ZNF462: variants seen among roughly 807,000 people sequenced by gnomAD.
ZNF462 encodes the protein zinc finger protein 462.
A neutral mutation model predicts 201.9 loss-of-function variants in ZNF462; 10 were observed. The ratio of observed to expected loss-of-function variants is 0.05; its 90% CI spans 0.03 to 0.08. ZNF462 has a LOEUF of 0.08. Among genes scored for constraint, ZNF462 ranks in the 10% least tolerant of loss-of-function variants. ZNF462 has a pLI of 1.00. For synonymous variants in ZNF462, 1,227 were observed against 1,193.3 expected, an observed-to-expected ratio of 1.03 and a Z score of -0.58; for missense variants, 2,523 against 3,168.3, an observed-to-expected ratio of 0.80 and a Z score of 4.89.
chr9:106,880,118 C>G lies in ZNF462; in HGVS notation c.-31+16763C>G, dbSNP rs1325124579. Among the ~76,000 whole-genome samples the G allele has an allele frequency of 1.3e-5, 2 of 152,108 alleles. No homozygotes were observed. The highest frequency in any genetic ancestry group is 1.3e-4 in the Admixed American group (2 of 15,264). On this transcript the variant is annotated intron_variant, in intron 1 of 12. Coordinates refer to ENST00000277225, the MANE Select transcript of ZNF462 (RefSeq NM_021224.6). The surrounding 1 kb of genome is among the most constrained non-coding windows in gnomAD (Gnocchi z 4.1). ...TAGGAATGGGACAAACAGAGTTGCT[C>G]GTAACCACCAAGAGCCCTCTCAATT...
chr9:106,936,335 G>T (rs1830630557), intron 6 of ZNF462, among the ~76,000 whole-genome samples: 1 of 152,196 alleles, frequency 6.6e-6, no homozygotes, highest in Non-Finnish European at 1.5e-5. Context: ...GGGAGGCATT[G>T]TGTCACATTC....
intron 10 of ZNF462, among the ~76,000 whole-genome samples, chr9:106,987,514 G>T (rs1446328017): frequency 6.6e-6 from 1 of 151,838 alleles, no homozygotes; most frequent in Non-Finnish European, 1.5e-5. Context: ...TCATGAGATT[G>T]TTTTTTTCTT....
intron 1 of ZNF462, among the ~76,000 whole-genome samples, chr9:106,912,246 C>CTCCAT (rs1829582283): frequency 2.0e-5 from 3 of 151,906 alleles, no homozygotes; most frequent in African/African-American, 7.3e-5. Context: ...AACATTGTTC[C>CTCCAT]GACTCCATGA....
intron 1 of ZNF462, among the ~76,000 whole-genome samples, chr9:106,887,357 A>G (rs1828365419): frequency 6.6e-6 from 1 of 152,148 alleles, no homozygotes. Context: ...CCATCTACTA[A>G]ATCCTCTCCC....
intron 10 of ZNF462, among the ~76,000 whole-genome samples, chr9:107,000,576 C>A (rs759688201): frequency 2.6e-5 from 4 of 152,076 alleles, no homozygotes; most frequent in African/African-American, 9.7e-5. Context: ...ATTTTAAAAT[C>A]TTCTAATTAC....
intron 10 of ZNF462, among the ~76,000 whole-genome samples, chr9:106,997,593 T>C (rs1027270240): frequency 5.9e-5 from 9 of 152,192 alleles, no homozygotes; most frequent in African/African-American, 2.2e-4. Context: ...GGTGCTCTTA[T>C]CTGAGAATTC....
At chr9:106,940,038 C>T (rs562902614) in intron 7 of ZNF462, among the ~76,000 whole-genome samples, 5 of 152,258 alleles carry the variant, frequency 3.3e-5, no homozygotes, top group African/African-American at 1.2e-4. Flanking sequence ...TCTACTGTTA[C>T]ATTCTTGGGA....
intron 5 of ZNF462, among the ~76,000 whole-genome samples, chr9:106,934,421 T>C (rs1259277816): frequency 6.6e-6 from 1 of 152,108 alleles, no homozygotes; most frequent in Non-Finnish European, 1.5e-5. Context: ...AAAAATTGAC[T>C]TCATGCGTGG....
rs1828523935 is a variant in ZNF462 at position 106,890,404 on chromosome 9, A to G, written c.-31+27049A>G. Among the ~76,000 whole-genome samples, 1 of 152,130 alleles carries G rather than the reference A, an allele frequency of 6.6e-6. No individual in the cohort carries two copies. Among genetic ancestry groups the G allele is most frequent in the Admixed American group, 6.5e-5 (1 of 15,280 alleles). On this transcript the variant is annotated intron_variant, in intron 1 of 12. Coordinates refer to ENST00000277225, the MANE Select transcript of ZNF462 (RefSeq NM_021224.6). The surrounding 1 kb of genome is among the most constrained non-coding windows in gnomAD (Gnocchi z 4.2). ...TAAACATTGTCGGGAGAATTCCTTC[A>G]TTTCCTTCTGGAGTCCTTTTTGGGC... is the stretch of plus-strand genomic sequence containing the variant.
At position 107,003,552 on chromosome 9, in the gene ZNF462, C is replaced by T. The variant is rs936591859; in HGVS notation, c.7189+126C>T. 2.6e-5 allele frequency: 32 copies of T among 1,243,662 alleles called. No individual in the cohort carries two copies. The African/African-American group carries it at 4.4e-4, about 17-fold the overall frequency. 77.0% of individuals were successfully genotyped at this position (1,243,662 alleles called of 1,614,324 possible). On this transcript the variant is annotated intron_variant, in intron 11 of 12. Transcript: ENST00000277225. This position sits in a 1 kb window ranked among gnomAD's most constrained non-coding sequence, Gnocchi z 4.4. The stretch of plus-strand genomic sequence containing the variant: ...GATCCTTCTTAGTTAAGTAGCAGAA[C>T]AGACTGACTTAGAAAACACATCAAG...
In ZNF462 at chr9:106,970,925, C is replaced by T. The variant is rs1007082270; in HGVS notation, c.6428-1080C>T. Among the ~76,000 whole-genome samples, 1 of 151,800 alleles carries T rather than the reference C, an allele frequency of 6.6e-6. No individual in the cohort carries two copies. On this transcript the variant is annotated intron_variant, in intron 7 of 12. Transcript: ENST00000277225. The surrounding 1 kb of genome is among the most constrained non-coding windows in gnomAD (Gnocchi z 4.2). ...TCCACCGCATGCCATTGAAGCTTCT[C>T]GGGGTTAAGATTTGTGCCTGTCATT... is the stretch of plus-strand genomic sequence containing the variant.
chr9:106,867,679 C>T (rs73667302), intron 1 of ZNF462, among the ~76,000 whole-genome samples: 8,206 of 151,990 alleles, frequency 0.054, 406 homozygotes, highest in African/African-American at 0.13. Context: ...TACTTGTGGT[C>T]GGTTTTCCTG....
At chr9:107,001,949 A>G (rs1171152778) in intron 10 of ZNF462, among the ~76,000 whole-genome samples, 4 of 152,012 alleles carry the variant, frequency 2.6e-5, no homozygotes, top group East Asian at 1.9e-4. Flanking sequence ...CCTGAATGCT[A>G]CCTATCTCTT....
At chr9:106,897,719 G>A (rs1185969850) in intron 1 of ZNF462, among the ~76,000 whole-genome samples, 1 of 152,212 alleles carries the variant, frequency 6.6e-6, no homozygotes, top group East Asian at 1.9e-4. Flanking sequence ...GAAGACAAAG[G>A]TAGAAGTATC....
chr9:106,958,652 C>A (rs1229634154), intron 7 of ZNF462, among the ~76,000 whole-genome samples: 2 of 152,078 alleles, frequency 1.3e-5, no homozygotes, highest in African/African-American at 4.8e-5. Context: ...CCTAAGGAAG[C>A]TGAGATGCCC....
intron 7 of ZNF462, among the ~76,000 whole-genome samples, chr9:106,945,869 G>A (rs986507469): frequency 4.6e-5 from 7 of 152,200 alleles, no homozygotes; most frequent in Non-Finnish European, 1.0e-4. Context: ...TTAAGACTCT[G>A]CCTCAGTGGC....
In ZNF462 at chr9:106,925,832, A is replaced by G. The variant is rs1332242212; in HGVS notation, c.1920A>G (p.Pro640=). The G allele has an allele frequency of 5.0e-6, 8 of 1,614,194 alleles. No individual in the cohort carries two copies. Among genetic ancestry groups the G allele is most frequent in the Non-Finnish European group, 6.8e-6 (8 of 1,180,036 alleles). Residue 640 remains proline, a synonymous_variant, in exon 3 of 13, where the codon CCA becomes CCG. Transcript: ENST00000277225. The surrounding 1 kb of genome is among the most constrained non-coding windows in gnomAD (Gnocchi z 7.9). ...TCGAGGGGCAGCCCTCAAGCCTACC[A>G]TTGGAAAATGAGACAGACAGCCACC... ...PKFEGQPSSL[P]LENETDSHPS... is the part of the protein sequence containing the mutation.
chr9:106,892,308 G>C (rs959720506), intron 1 of ZNF462, among the ~76,000 whole-genome samples: 2 of 152,182 alleles, frequency 1.3e-5, no homozygotes, highest in Non-Finnish European at 2.9e-5. Context: ...CAACTCAGAA[G>C]ATTAGGTAGC....
At position 106,984,118 on chromosome 9, in the gene ZNF462, C is replaced by A. The variant is rs1006562457; in HGVS notation, c.6833-68C>A. 2 of 1,453,140 alleles carry A rather than the reference C, an allele frequency of 1.4e-6. No homozygotes were observed. The highest frequency in any genetic ancestry group is 1.3e-5 in the South Asian group (1 of 77,856). 90.0% of individuals were successfully genotyped at this position (1,453,140 alleles called of 1,614,324 possible). On this transcript the variant is annotated intron_variant, in intron 9 of 12. Coordinates refer to ENST00000277225, the MANE Select transcript of ZNF462 (RefSeq NM_021224.6). The surrounding 1 kb of genome is among the most constrained non-coding windows in gnomAD (Gnocchi z 6.4). Reference sequence around the variant, plus strand: ...GATTGGGTGAGTTTCTTCTTGTATTCCAAAGAAAGAACTTCTGTTTTGCCA... The same window carrying A: ...GATTGGGTGAGTTTCTTCTTGTATTACAAAGAAAGAACTTCTGTTTTGCCA...
Sources: allele counts gnomAD v4.1 joint callset (sites outside exome capture counted in the v4.1 genomes callset), GRCh38; gene constraint gnomAD v4.1.1; non-coding constraint Gnocchi (gnomAD v3.1); transcripts MANE v1.5; gene names NCBI Gene and HGNC (gene_info 2026-07-23, HGNC 2026-07-21).